Variants in FILIP1 observed in about 807,000 individuals in gnomAD.
FILIP1 encodes the protein filamin A interacting protein 1.
A neutral mutation model predicts 102.1 loss-of-function variants in FILIP1; 61 were observed. The observed-to-expected ratio is 0.60, with a 90% CI of 0.49 to 0.74. The LOEUF is 0.74. Among genes scored for constraint, FILIP1 ranks in the 30% least tolerant of loss-of-function variants. The pLI, the probability that FILIP1 is intolerant of heterozygous loss-of-function variation, is 0.00. For missense variants in FILIP1, 1,314 were observed against 1,441.2 expected (o/e 0.91, Z 1.43); for synonymous variants, 491 against 526.9 (o/e 0.93, Z 0.93).
At chr6:75,382,292 G>A (rs114882991) in intron 2 of FILIP1, among the ~76,000 whole-genome samples, 82 of 152,324 alleles carry the variant, frequency 5.4e-4, no homozygotes, top group African/African-American at 1.9e-3. Flanking sequence ...CTGCTGCTGG[G>A]AGACAGCCCT....
chr6:75,436,448 T>C (rs1404493359), intron 1 of FILIP1, among the ~76,000 whole-genome samples: 1 of 152,108 alleles, frequency 6.6e-6, no homozygotes, highest in Admixed American at 6.5e-5. Flanking sequence ...CAGAATGGCT[T>C]CTAAGTTCCT....
intron 1 of FILIP1, among the ~76,000 whole-genome samples, chr6:75,460,390 C>T (rs1184689967): frequency 6.6e-6 from 1 of 152,132 alleles, no homozygotes; most frequent in Non-Finnish European, 1.5e-5. Context: ...GACTTACTGT[C>T]ATTTTATGCA....
At chr6:75,338,285 T>C (rs1354708855) in intron 4 of FILIP1, among the ~76,000 whole-genome samples, 1 of 152,242 alleles carries the variant, frequency 6.6e-6, no homozygotes, top group East Asian at 1.9e-4. Context: ...AATAGTTTCT[T>C]GGCTAAGAGT....
intron 2 of FILIP1, among the ~76,000 whole-genome samples, chr6:75,382,288 C>CT (rs1446052935): frequency 6.6e-6 from 1 of 152,196 alleles, no homozygotes; most frequent in Non-Finnish European, 1.5e-5. Context: ...GCCACTGCTG[C>CT]TGGGAGACAG....
chr6:75,369,019 A>G (rs1364018825), intron 2 of FILIP1, among the ~76,000 whole-genome samples: 1 of 152,180 alleles, frequency 6.6e-6, no homozygotes, highest in East Asian at 1.9e-4. Context: ...CTGCTCTAGG[A>G]CAGATGACAA....
intron 2 of FILIP1, among the ~76,000 whole-genome samples, chr6:75,364,312 G>T (rs1215616678): frequency 6.6e-6 from 1 of 152,212 alleles, no homozygotes; most frequent in Non-Finnish European, 1.5e-5. Flanking sequence ...GCAGGGTCAA[G>T]TTAGCCTGTA....
chr6:75,430,839 TG>T lies in FILIP1; in HGVS notation c.-6-15862del, dbSNP rs370715660. Reference sequence around the variant, plus strand: ...TGAAGATTGAGCATTTCCCAGCAGATGGTACTCCTGTTGGTCCCTAAGAGGG... The same window carrying T: ...TGAAGATTGAGCATTTCCCAGCAGATGTACTCCTGTTGGTCCCTAAGAGGG... On this transcript the variant is annotated intron_variant, in intron 1 of 5. Coordinates refer to ENST00000237172, the MANE Select transcript of FILIP1 (RefSeq NM_015687.5). 3.8e-3 allele frequency among the ~76,000 whole-genome samples: 579 copies of T among 152,334 alleles called. 6 individuals carry two copies. The highest frequency in any genetic ancestry group is 0.013 in the African/African-American group (557 of 41,588).
rs530984799 is a variant in FILIP1, at chr6:75,470,222, A to T, written c.-7+23192T>A. Among the ~76,000 whole-genome samples, 9 of 152,302 alleles carry T rather than the reference A, an allele frequency of 5.9e-5. No individual in the cohort carries two copies. The South Asian group carries it at 1.9e-3, about 32-fold the overall frequency. On this transcript the variant is annotated intron_variant, in intron 1 of 5. Transcript: ENST00000237172. Reference sequence around the variant, plus strand: ...GAGTTCAGCAAGATAGCAAGAAACAAAAACAACATAAAAAAATCAACGACT... The same window carrying T: ...GAGTTCAGCAAGATAGCAAGAAACATAAACAACATAAAAAAATCAACGACT...
downstream of FILIP1, among the ~76,000 whole-genome samples, chr6:75,303,769 G>GAA (rs1554197537): frequency 6.6e-6 from 1 of 151,796 alleles, no homozygotes; most frequent in South Asian, 2.1e-4. Context: ...GAGAGAGAGA[G>GAA]AGAAAGAGAG....
chr6:75,353,178 AC>A (rs1438551733), intron 4 of FILIP1, among the ~76,000 whole-genome samples: 1 of 152,044 alleles, frequency 6.6e-6, no homozygotes, highest in Non-Finnish European at 1.5e-5. Context: ...CACGTTGTGC[AC>A]ATGTACCCTA....
chr6:75,329,359 A>G (rs1773984146), intron 4 of FILIP1, among the ~76,000 whole-genome samples: 1 of 152,204 alleles, frequency 6.6e-6, no homozygotes, highest in Non-Finnish European at 1.5e-5. Context: ...TTAGCTCCAG[A>G]GCATCAGTTG....
At chr6:75,350,556 A>T (rs549220310) in intron 4 of FILIP1, among the ~76,000 whole-genome samples, 1 of 152,288 alleles carries the variant, frequency 6.6e-6, no homozygotes, top group South Asian at 2.1e-4. Context: ...TAGTAAATAA[A>T]CACATCCTGC....
In FILIP1 at chr6:75,402,366, C is replaced by T. The variant is rs113521605; in HGVS notation, c.276+12331G>A. Among the ~76,000 whole-genome samples the T allele has an allele frequency of 8.9e-3, 1,362 of 152,234 alleles. 23 individuals are homozygous for T. The highest frequency in any genetic ancestry group is 0.031 in the African/African-American group (1,300 of 41,532). The stretch of plus-strand genomic sequence containing the variant: ...AGAAAGCAACCTGTCTCTCTGTTGC[C>T]TCCTAAACTTAGCAAAGACATGCCA... On this transcript the variant is annotated intron_variant, in intron 2 of 5. Coordinates refer to ENST00000237172, the MANE Select transcript of FILIP1 (RefSeq NM_015687.5).
chr6:75,480,042 T>C (rs918151987), intron 1 of FILIP1, among the ~76,000 whole-genome samples: 3 of 152,180 alleles, frequency 2.0e-5, no homozygotes, highest in Middle Eastern at 3.4e-3. Context: ...TTTAGTCTTA[T>C]GTTTTACTGG....
intron 1 of FILIP1, among the ~76,000 whole-genome samples, chr6:75,470,229 CAT>C (rs1035521765): frequency 3.2e-4 from 49 of 151,984 alleles, no homozygotes; most frequent in African/African-American, 1.2e-3. Context: ...ACAAAAACAA[CAT>C]AAAAAAATCA....
At chr6:75,376,119 G>A (rs985212638) in intron 2 of FILIP1, among the ~76,000 whole-genome samples, 14 of 152,134 alleles carry the variant, frequency 9.2e-5, no homozygotes, top group African/African-American at 3.1e-4. Context: ...ATTTTCTGAT[G>A]TACTGAAGAT....
chr6:75,316,631 G>A (rs972542743), intron 4 of FILIP1, among the ~76,000 whole-genome samples: 4 of 152,040 alleles, frequency 2.6e-5, no homozygotes, highest in Non-Finnish European at 5.9e-5. Context: ...TGATCATGTC[G>A]TTAAGATTTT....
chr6:75,436,147 C>A (rs1778012267), intron 1 of FILIP1, among the ~76,000 whole-genome samples: 1 of 151,772 alleles, frequency 6.6e-6, no homozygotes, highest in African/African-American at 2.4e-5. Context: ...CCGAGGCAGG[C>A]AGATCACTTG....
At chr6:75,310,107 C>A (rs911271452) in intron 5 of FILIP1, among the ~76,000 whole-genome samples, 1 of 152,208 alleles carries the variant, frequency 6.6e-6, no homozygotes, top group African/African-American at 2.4e-5. Context: ...TTGCCCCATG[C>A]GCAACTGTTA....
Sources: gnomAD v4.1 joint callset for allele counts (sites outside exome capture counted in the v4.1 genomes callset) on GRCh38, gnomAD v4.1.1 for gene constraint, MANE v1.5 for transcripts, NCBI Gene and HGNC (gene_info 2026-07-23, HGNC 2026-07-21) for gene names.